The following PPFIA4 variants were observed in gnomAD, a reference collection of about 807,000 sequenced individuals.
PPFIA4 encodes liprin-alpha-4.
In PPFIA4, 98 loss-of-function variants were observed where a neutral mutation model predicts 145.7. The ratio of observed to expected loss-of-function variants is 0.67; its 90% CI spans 0.57 to 0.80. The LOEUF (loss-of-function observed/expected upper bound fraction) is 0.80, where lower values mean the gene tolerates loss of function less well. Ranked by LOEUF, PPFIA4 falls within the 30% of genes least tolerant of loss-of-function variation. The pLI, the probability that PPFIA4 is intolerant of heterozygous loss-of-function variation, is 0.00. For missense variants in PPFIA4, 1,457 were observed against 1,632.7 expected, an observed-to-expected ratio of 0.89 and a Z score of 1.85; for synonymous variants, 628 against 649.6, an observed-to-expected ratio of 0.97 and a Z score of 0.51.
intron 9 of PPFIA4, 49 bp downstream of exon 9, chr1:203,046,431 G>A (rs1392660025): frequency 6.5e-7 from 1 of 1,532,534 alleles, no homozygotes; most frequent in African/African-American, 1.4e-5. Context: ...CATGTTCTGA[G>A]CTCTCAGGGA....
chr1:203,043,411 A>G lies in PPFIA4; in HGVS notation c.249A>G (p.Leu83=), dbSNP rs114382539. 1.7e-3 allele frequency: 2,803 copies of G among 1,610,628 alleles called. 48 individuals carry two copies. The African/African-American group carries it at 0.033, about 19-fold the overall frequency. The change falls in exon 3 of 30, where the codon TTA becomes TTG. Residue 83 remains leucine (L), a synonymous_variant. Coordinates refer to ENST00000295706, the MANE Select transcript of PPFIA4 (RefSeq NM_001304331.2). The surrounding 1 kb of genome is among the most constrained non-coding windows in gnomAD (Gnocchi z 4.4). ...NSALPQEFAT[L]TRELSMCREQ... ...GGGGTTTTCAGGAATTTGCCACCTT[A>G]ACCCGGGAGCTGAGCATGTGTCGGG...
rs371933531 is a variant in PPFIA4 at position 203,075,654 on chromosome 1, C to T, written c.3471C>T (p.Gly1157=). 15 of 1,508,518 alleles carry T rather than the reference C, an allele frequency of 9.9e-6. No individual in the cohort carries two copies. The highest frequency in any genetic ancestry group is 1.3e-5 in the Non-Finnish European group (15 of 1,127,474). The allele number at this position is 1,508,518 out of a possible 1,614,324, so 93.4% of individuals were successfully genotyped here. Residue 1157 remains glycine (G), a synonymous_variant, in exon 29 of 30, where the codon GGC becomes GGT. Coordinates refer to ENST00000295706, the MANE Select transcript of PPFIA4 (RefSeq NM_001304331.2). The surrounding 1 kb of genome is among the most constrained non-coding windows in gnomAD (Gnocchi z 4.1). The stretch of plus-strand genomic sequence containing the variant: ...CGCGGGAGCACCACGGTCGCGGCGG[C>T]ATGCTCAGCGCTTCCGCGGAGACCC... ...FRPREHHGRG[G]MLSASAETLP...
intron 1 of PPFIA4, chr1:203,035,385 T>C (rs1659164860): frequency 2.2e-6 from 1 of 449,092 alleles, no homozygotes; most frequent in Admixed American, 2.4e-5. Context: ...CAAATGCCCA[T>C]CCCTCCTGTG....
Position 203,063,818 on chromosome 1 carries a change from A to C in PPFIA4, c.2875-10A>C, listed in dbSNP as rs570777410. ...CCCCCATAATAGCCTCCTGCATCTC[A>C]TTTCCCTAGACCCTGGCCTATGGGG... is the stretch of plus-strand genomic sequence containing the variant. On this transcript the variant is annotated splice_polypyrimidine_tract_variant and intron_variant, in intron 24 of 29. Coordinates refer to ENST00000295706, the MANE Select transcript of PPFIA4 (RefSeq NM_001304331.2). 40 of 1,613,510 alleles carry C rather than the reference A, an allele frequency of 2.5e-5. No individual in the cohort carries two copies. In the East Asian group the frequency reaches 8.9e-4, roughly 36 times the overall value.
At chr1:203,052,045 G>GCGC (rs749259069) in intron 14 of PPFIA4, among the ~76,000 whole-genome samples, 168 bp downstream of exon 14, 7 of 102,972 alleles carry the variant, frequency 6.8e-5, no homozygotes. Flanking sequence ...CAACAGCTGT[G>GCGC]CCCCCCCCCC....
At chr1:203,044,193 C>T (rs1659901985) in intron 4 of PPFIA4, 98 bp downstream of exon 4, 2 of 1,339,440 alleles carry the variant, frequency 1.5e-6, no homozygotes, top group Middle Eastern at 1.9e-4. Flanking sequence ...ATTTAGGGAG[C>T]ACTGGCTCCC....
At chr1:203,031,722 T>C (rs1658846426) in intron 1 of PPFIA4, among the ~76,000 whole-genome samples, 1 of 152,262 alleles carries the variant, frequency 6.6e-6, no homozygotes, top group Admixed American at 6.5e-5. Context: ...TCCCTAGTTT[T>C]GAAATATTTT....
rs1006728233 is a variant in PPFIA4, at chr1:203,057,006, G to A, written c.2407+56G>A. ...GCGGGCATTGGGGCATCAGAAGCAG[G>A]AAGGTGTACTTGGACTGGCCTTCTC... On this transcript the variant is annotated intron_variant, in intron 19 of 29. Transcript: ENST00000295706. 12 of 1,602,952 alleles carry A rather than the reference G, an allele frequency of 7.5e-6. No individual in the cohort carries two copies. The Admixed American group carries it at 1.3e-4, about 18-fold the overall frequency.
intron 1 of PPFIA4, among the ~76,000 whole-genome samples, chr1:203,027,079 T>C (rs940130967): frequency 6.6e-5 from 10 of 152,186 alleles, no homozygotes; most frequent in Admixed American, 5.9e-4. Flanking sequence ...CTTTCCCGAG[T>C]TGCTCATAGC....
At chr1:203,063,569 A>G (rs1661537243) in intron 24 of PPFIA4, 2 of 390,500 alleles carry the variant, frequency 5.1e-6, no homozygotes, top group African/African-American at 2.1e-5. Flanking sequence ...CGGGATAGCT[A>G]CTTCTGTTCA....
At position 203,060,168 on chromosome 1, in the gene PPFIA4, G is replaced by A; in HGVS notation, c.2584-49G>A. The A allele has an allele frequency of 6.3e-7, 1 of 1,590,060 alleles. No individual in the cohort carries two copies. The highest frequency in any genetic ancestry group is 8.6e-7 in the Non-Finnish European group (1 of 1,165,130). On this transcript the variant is annotated intron_variant, in intron 21 of 29. Transcript: ENST00000295706. The surrounding 1 kb of genome is among the most constrained non-coding windows in gnomAD (Gnocchi z 4.8). Reference sequence around the variant, plus strand: ...GCCCCTTGCTGTTGCCAAACTCTTGGTGGTAGGGCCCAGGCCTTGAATTAC... The same window carrying A: ...GCCCCTTGCTGTTGCCAAACTCTTGATGGTAGGGCCCAGGCCTTGAATTAC...
rs1024614048 is a variant in PPFIA4 at position 203,044,471 on chromosome 1, C to G, written c.576+18C>G. On this transcript the variant is annotated intron_variant, in intron 5 of 29. Coordinates refer to ENST00000295706, the MANE Select transcript of PPFIA4 (RefSeq NM_001304331.2). ...ACCAGCAGGTAATCTGCCTGCTCACCCTCAGTCTGCAGCTCCTGGAAGTCC... is the reference window on the plus strand; with the variant it reads ...ACCAGCAGGTAATCTGCCTGCTCACGCTCAGTCTGCAGCTCCTGGAAGTCC... 15 of 1,547,508 alleles carry G rather than the reference C, an allele frequency of 9.7e-6. No individual in the cohort carries two copies. The highest frequency in any genetic ancestry group is 2.0e-5 in the Admixed American group (1 of 50,956).
intron 29 of PPFIA4, 200 bp from the exon 30 acceptor site, chr1:203,076,141 C>G (rs1662525193): frequency 1.6e-6 from 1 of 643,840 alleles, no homozygotes; most frequent in South Asian, 1.9e-5. Context: ...CGCACCTGCC[C>G]TTGGCTGCCG....
chr1:203,059,709 G>C lies in PPFIA4; in HGVS notation c.2502-61G>C, dbSNP rs564332203. On this transcript the variant is annotated intron_variant, in intron 20 of 29. Coordinates refer to ENST00000295706, the MANE Select transcript of PPFIA4 (RefSeq NM_001304331.2). ...CTCTTGCACAGCCCAGTGGTCCCTG[G>C]AGCAAGAACAGTTAAGGGAGAAGGA... is the stretch of plus-strand genomic sequence containing the variant. 313 of 1,456,164 alleles carry C rather than the reference G, an allele frequency of 2.1e-4. 2 individuals are homozygous for C. In the African/African-American group the frequency reaches 3.8e-3, roughly 18 times the overall value. The allele number at this position is 1,456,164 out of a possible 1,614,324, so 90.2% of individuals were successfully genotyped here.
chr1:203,045,478 C>G lies in PPFIA4; in HGVS notation c.777C>G (p.Leu259=), dbSNP rs145044394. 7 of 1,608,688 alleles carry G rather than the reference C, an allele frequency of 4.4e-6. No individual in the cohort carries two copies. In the South Asian group the frequency reaches 5.5e-5, roughly 13 times the overall value. The part of the protein sequence containing the change: ...LVTLTTTVTE[L]EEDLGTARRD... Reference sequence around the variant, plus strand: ...CCCTAACAACAACCGTGACTGAACTCGAGGAGGACCTGGGCACGGCCCGCC... The same window carrying G: ...CCCTAACAACAACCGTGACTGAACTGGAGGAGGACCTGGGCACGGCCCGCC... The change falls in exon 7 of 30, where the codon CTC becomes CTG. Residue 259 remains leucine (L), a synonymous_variant. Transcript: ENST00000295706.
chr1:203,056,662 CT>C, intron 18 of PPFIA4, 121 bp from the exon 19 acceptor site: 3 of 1,305,930 alleles, frequency 2.3e-6, no homozygotes, highest in Non-Finnish European at 3.2e-6. Flanking sequence ...CATGTGTCTC[CT>C]TTTCCCCCAT....
At chr1:203,037,261 T>C (rs544631204) in intron 1 of PPFIA4, 3 of 262,856 alleles carry the variant, frequency 1.1e-5, no homozygotes, top group South Asian at 9.2e-5. Context: ...GCCACAGGCC[T>C]GTGCAGTGTC....
chr1:203,053,904 C>T lies in PPFIA4; in HGVS notation c.1772C>T (p.Ala591Val). ...DVVSPSGHSD[A>V]QTLAMMLQEQ... The stretch of plus-strand genomic sequence containing the variant: ...GTCTCCCCCAGCGGCCACTCAGATG[C>T]CCAGACCCTGGCCATGATGCTGCAG... The change falls in exon 15 of 30, where the codon GCC (alanine) becomes GTC (valine). Residue 591 changes from alanine to valine, a missense_variant. Ala to Val is a moderately conservative substitution (Grantham distance 64, BLOSUM62 0). Coordinates refer to ENST00000295706, the MANE Select transcript of PPFIA4 (RefSeq NM_001304331.2). 6.4e-7 allele frequency: 1 copy of T among 1,566,624 alleles called. No individual in the cohort carries two copies. Among genetic ancestry groups the T allele is most frequent in the Non-Finnish European group, 8.7e-7 (1 of 1,155,210 alleles).
chr1:203,075,897 T>C lies in PPFIA4; in HGVS notation c.3574+140T>C, dbSNP rs1289035634. The C allele has an allele frequency of 2.2e-6, 2 of 890,122 alleles. No individual in the cohort carries two copies. The highest frequency in any genetic ancestry group is 3.1e-6 in the Non-Finnish European group (2 of 642,940). The allele number at this position is 890,122 out of a possible 1,614,324, so 55.1% of individuals were successfully genotyped here. ...TCCTGCGCTGCAGCTGCACTAACGC[T>C]CCGCGGGGAGCGTGTGTGCGCACTA... On this transcript the variant is annotated intron_variant, in intron 29 of 29. Transcript: ENST00000295706. This position sits in a 1 kb window ranked among gnomAD's most constrained non-coding sequence, Gnocchi z 4.1.
Sources: allele counts gnomAD v4.1 joint callset (sites outside exome capture counted in the v4.1 genomes callset), GRCh38; gene constraint gnomAD v4.1.1; non-coding constraint Gnocchi (gnomAD v3.1); transcripts MANE v1.5; gene names NCBI Gene and HGNC (gene_info 2026-07-23, HGNC 2026-07-21).